The following CIT variants were observed in gnomAD, a reference collection of about 807,000 sequenced individuals.
The protein encoded by CIT is citron Rho-interacting kinase.
CIT carries 79 observed loss-of-function variants against 272.7 expected under a neutral mutation model. The ratio of observed to expected loss-of-function variants is 0.29; its 90% CI spans 0.24 to 0.35. CIT has a LOEUF of 0.35. CIT is among the 10% of genes least tolerant of loss of function. CIT has a pLI of 1.00. For synonymous variants in CIT, 948 were observed against 995.6 expected (o/e 0.95, Z 0.90); for missense variants, 1,909 against 2,618.3 (o/e 0.73, Z 5.91).
chr12:119,772,794 G>A lies in CIT; in HGVS notation c.2058C>T (p.Ile686=), dbSNP rs749543507. The A allele has an allele frequency of 6.7e-5, 108 of 1,613,374 alleles. No individual in the cohort carries two copies. The highest frequency in any genetic ancestry group is 8.1e-5 in the Non-Finnish European group (96 of 1,179,832). ...LQNREDSSEG[I]RKKLVEAEER... ...CCTCAGCTTCCACCAGCTTCTTTCT[G>A]ATGCCTTCAGAAGAATCCTCTCGGT... Residue 686 remains isoleucine, a synonymous_variant, in exon 17 of 48, where the codon ATC becomes ATT. Coordinates refer to ENST00000392521, the MANE Select transcript of CIT (RefSeq NM_001206999.2).
At position 119,712,578 on chromosome 12, in the gene CIT, G is replaced by A. The variant is rs531684430; in HGVS notation, c.4684+13C>T. 245 of 1,612,680 alleles carry A rather than the reference G, an allele frequency of 1.5e-4. 1 individual carries two copies. Among genetic ancestry groups the A allele is most frequent in the Middle Eastern group, 6.6e-4 (4 of 6,064 alleles). ...CCCACCTCCAGGGCGGGGCTCCTCC[G>A]GCTCCTCCTCACCTGCTTTGGCTGT... On this transcript the variant is annotated intron_variant, in intron 36 of 47. Transcript: ENST00000392521. The surrounding 1 kb of genome is among the most constrained non-coding windows in gnomAD (Gnocchi z 5.2).
At chr12:119,845,425 G>T (rs552208942) in intron 5 of CIT, among the ~76,000 whole-genome samples, 2 of 152,264 alleles carry the variant, frequency 1.3e-5, no homozygotes, top group African/African-American at 4.8e-5. Flanking sequence ...GGCTGAGGCA[G>T]GCGGATCACC....
intron 23 of CIT, among the ~76,000 whole-genome samples, chr12:119,747,021 A>C (rs1959517203): frequency 7.6e-6 from 1 of 131,276 alleles, no homozygotes; most frequent in South Asian, 2.7e-4. Flanking sequence ...AGTGTTAATT[A>C]GATATTAGGT....
chr12:119,823,091 G>A (rs1207128211), intron 8 of CIT, 118 bp from the exon 9 acceptor site: 2 of 1,081,026 alleles, frequency 1.9e-6, no homozygotes, highest in Non-Finnish European at 2.6e-6. Context: ...TTTTAGAGAA[G>A]GAAGTTTCGT....
At chr12:119,785,760 A>G (rs1964732803) in intron 10 of CIT, among the ~76,000 whole-genome samples, 1 of 152,010 alleles carries the variant, frequency 6.6e-6, no homozygotes, top group Non-Finnish European at 1.5e-5. Flanking sequence ...TTGTATTTTT[A>G]GTAGAGATGG....
At chr12:119,785,964 T>G (rs385844) in intron 10 of CIT, among the ~76,000 whole-genome samples, 68,211 of 152,042 alleles carry the variant, frequency 0.45, 15,781 homozygotes, top group Admixed American at 0.56. Context: ...ATTTGTTACA[T>G]TGGCCATAGG....
rs1033944793 is a variant in CIT at position 119,844,464 on chromosome 12, T to C, written c.516+5710A>G. ...GACTAAAAAGAGCCTTAAGAGAGCT[T>C]GGATCAAGTTTTGCCAAAAACTGAG... is the stretch of plus-strand genomic sequence containing the variant. On this transcript the variant is annotated intron_variant, in intron 5 of 47. Coordinates refer to ENST00000392521, the MANE Select transcript of CIT (RefSeq NM_001206999.2). 1.9e-4 allele frequency among the ~76,000 whole-genome samples: 29 copies of C among 152,272 alleles called. 1 individual carries two copies. The highest frequency in any genetic ancestry group is 3.4e-3 in the Middle Eastern group (1 of 294).
chr12:119,840,719 C>A (rs1969352432), intron 5 of CIT, among the ~76,000 whole-genome samples: 1 of 152,172 alleles, frequency 6.6e-6, no homozygotes, highest in African/African-American at 2.4e-5. Flanking sequence ...GGTTTCCAAA[C>A]CCTGGCTTCA....
At chr12:119,870,614 T>C (rs1950644908) in intron 2 of CIT, among the ~76,000 whole-genome samples, 2 of 146,894 alleles carry the variant, frequency 1.4e-5, no homozygotes, top group Admixed American at 6.8e-5. Context: ...CCAGCCACCA[T>C]GCACAGATGC....
chr12:119,762,237 G>A (rs1961895314), intron 19 of CIT, among the ~76,000 whole-genome samples: 1 of 152,012 alleles, frequency 6.6e-6, no homozygotes, highest in African/African-American at 2.4e-5. Flanking sequence ...AACTAGAACT[G>A]ACTGATGAAA....
intron 44 of CIT, among the ~76,000 whole-genome samples, chr12:119,700,324 A>G (rs1956485683): frequency 6.6e-6 from 1 of 152,176 alleles, no homozygotes; most frequent in African/African-American, 2.4e-5. Context: ...TATCTAATGG[A>G]ATTCACATGC....
rs899211274 is a variant in CIT at position 119,759,168 on chromosome 12, C to T, written c.2422-468G>A. ...CAACCCCAGGGCCACAGAGCAGTAC[C>T]CCATTACCGGTCTGCCACCTGTTAT... is the stretch of plus-strand genomic sequence containing the variant. On this transcript the variant is annotated intron_variant, in intron 20 of 47. Coordinates refer to ENST00000392521, the MANE Select transcript of CIT (RefSeq NM_001206999.2). Among the ~76,000 whole-genome samples, 4 of 152,308 alleles carry T rather than the reference C, an allele frequency of 2.6e-5. No homozygotes were observed. In the Middle Eastern group the frequency reaches 0.01, roughly 389 times the overall value.
chr12:119,854,842 T>G (rs948551440), intron 4 of CIT, among the ~76,000 whole-genome samples: 3 of 151,984 alleles, frequency 2.0e-5, no homozygotes, highest in African/African-American at 7.3e-5. Flanking sequence ...TCCCAGCTAT[T>G]CAGGAGGCTG....
intron 9 of CIT, among the ~76,000 whole-genome samples, chr12:119,809,205 G>A (rs1172375361): frequency 6.6e-6 from 1 of 152,160 alleles, no homozygotes; most frequent in Non-Finnish European, 1.5e-5. Flanking sequence ...AGTCTTGATG[G>A]ATTGACAGAT....
rs550041075 is a variant in CIT at position 119,814,906 on chromosome 12, C to T, written c.1111+7914G>A. ...CAAAAAAATTAGCCAGGCGTGGTGG[C>T]GCATGCCTGTAATCCCAGCTGCGTG... On this transcript the variant is annotated intron_variant, in intron 9 of 47. Transcript: ENST00000392521. Among the ~76,000 whole-genome samples, 44 of 151,994 alleles carry T rather than the reference C, an allele frequency of 2.9e-4. No homozygotes were observed. The Middle Eastern group carries it at 0.017, about 59-fold the overall frequency.
At chr12:119,786,180 G>A (rs11064906) in intron 10 of CIT, among the ~76,000 whole-genome samples, 66,442 of 151,954 alleles carry the variant, frequency 0.44, 15,162 homozygotes, top group Admixed American at 0.56. Flanking sequence ...GAGAGGTTAC[G>A]TAAACTGCCA....
intron 4 of CIT, 129 bp downstream of exon 4, chr12:119,857,394 A>T: frequency 1.1e-6 from 1 of 914,190 alleles, no homozygotes; most frequent in Non-Finnish European, 1.6e-6. Context: ...TTTTGCCCCA[A>T]CTATAATTAA....
At chr12:119,868,192 A>G (rs1208044921) in intron 3 of CIT, among the ~76,000 whole-genome samples, 1 of 152,218 alleles carries the variant, frequency 6.6e-6, no homozygotes, top group African/African-American at 2.4e-5. Flanking sequence ...ACTGCAATCC[A>G]GCCTGGGTAA....
chr12:119,721,494 T>C, intron 28 of CIT, 45 bp from the exon 29 acceptor site: 1 of 1,525,302 alleles, frequency 6.6e-7, no homozygotes, highest in Non-Finnish European at 8.9e-7. Flanking sequence ...CTGCACACAA[T>C]ACAATTTGTT....
Sources: allele counts gnomAD v4.1 joint callset (sites outside exome capture counted in the v4.1 genomes callset), GRCh38; gene constraint gnomAD v4.1.1; non-coding constraint Gnocchi (gnomAD v3.1); transcripts MANE v1.5; gene names NCBI Gene and HGNC (gene_info 2026-07-23, HGNC 2026-07-21).